Variants in UIMC1 observed in about 807,000 individuals in gnomAD.
UIMC1 encodes the protein BRCA1-A complex subunit RAP80.
A neutral mutation model predicts 84.9 loss-of-function variants in UIMC1; 42 were observed. The observed-to-expected ratio is 0.49, with a 90% confidence interval of 0.39 to 0.64. The LOEUF is 0.64. UIMC1 is among the 30% of genes least tolerant of loss of function. UIMC1 has a pLI of 0.00. For synonymous variants in UIMC1, 281 were observed against 293.0 expected (o/e 0.96, Z 0.42); for missense variants, 825 against 847.6 (o/e 0.97, Z 0.33).
intron 8 of UIMC1, among the ~76,000 whole-genome samples, chr5:176,954,645 G>C (rs1024759087): frequency 6.6e-6 from 1 of 151,372 alleles, no homozygotes; most frequent in African/African-American, 2.4e-5. Flanking sequence ...CTAGCTACTC[G>C]GGAGGCTGAG....
intron 3 of UIMC1, among the ~76,000 whole-genome samples, chr5:176,975,022 G>T (rs1769848107): frequency 6.6e-6 from 1 of 151,854 alleles, no homozygotes; most frequent in Non-Finnish European, 1.5e-5. Flanking sequence ...GCGTCGTGGG[G>T]CATAGTTGGG....
At position 176,929,923 on chromosome 5, in the gene UIMC1, C is replaced by T. The variant is rs1280293498; in HGVS notation, c.1597+13412G>A. Among the ~76,000 whole-genome samples the T allele has an allele frequency of 2.0e-5, 3 of 151,988 alleles. 1 individual carries two copies. The highest frequency in any genetic ancestry group is 2.0e-4 in the Admixed American group (3 of 15,252). On this transcript the variant is annotated intron_variant, in intron 10 of 14. Coordinates refer to ENST00000511320, the MANE Select transcript of UIMC1 (RefSeq NM_001199298.2). ...ATCACACTGGATATTGTCATCAGAA[C>T]CTAAATAAAGATAATAGTAAGTAAG...
At chr5:176,980,506 A>G (rs990798691) in intron 2 of UIMC1, among the ~76,000 whole-genome samples, 1 of 149,822 alleles carries the variant, frequency 6.7e-6, no homozygotes, top group Non-Finnish European at 1.5e-5. Flanking sequence ...GACACAGAAG[A>G]AATTACTGCC....
At chr5:176,934,370 C>A (rs1425297323) in intron 10 of UIMC1, among the ~76,000 whole-genome samples, 1 of 152,122 alleles carries the variant, frequency 6.6e-6, no homozygotes, top group Non-Finnish European at 1.5e-5. Context: ...AGTATTAGAT[C>A]AAAGGAGTCA....
At chr5:176,967,739 C>CA (rs1312924422) in intron 6 of UIMC1, among the ~76,000 whole-genome samples, 2 of 151,710 alleles carry the variant, frequency 1.3e-5, no homozygotes, top group African/African-American at 2.4e-5. Flanking sequence ...TCAATCTCTA[C>CA]AAAAAATATA....
intron 6 of UIMC1, among the ~76,000 whole-genome samples, chr5:176,960,244 C>T (rs1051785366): frequency 2.6e-5 from 4 of 152,194 alleles, no homozygotes; most frequent in Non-Finnish European, 4.4e-5. Context: ...ACTCTAAAAT[C>T]CACACGCTAA....
At chr5:176,927,644 T>C in intron 10 of UIMC1, among the ~76,000 whole-genome samples, 1 of 152,090 alleles carries the variant, frequency 6.6e-6, no homozygotes, top group South Asian at 2.1e-4. Flanking sequence ...ATGGATGAGG[T>C]GGGTGGTCAA....
chr5:177,014,504 T>C (rs1775631581), intron 1 of UIMC1, among the ~76,000 whole-genome samples: 1 of 152,140 alleles, frequency 6.6e-6, no homozygotes, highest in Non-Finnish European at 1.5e-5. Flanking sequence ...CAATATGTAA[T>C]GCTGTGGTTG....
intron 6 of UIMC1, among the ~76,000 whole-genome samples, chr5:176,964,210 C>T (rs898876152): frequency 6.6e-6 from 1 of 152,232 alleles, no homozygotes; most frequent in Admixed American, 6.5e-5. Context: ...TTTCTACCCA[C>T]ATTTCCTGAA....
intron 10 of UIMC1, among the ~76,000 whole-genome samples, chr5:176,912,063 TACA>T (rs1320365561): frequency 2.0e-5 from 3 of 152,224 alleles, no homozygotes; most frequent in Non-Finnish European, 4.4e-5. Flanking sequence ...CAAGAAAAAC[TACA>T]ACAATTTCAC....
chr5:176,949,926 C>T (rs1765632315), intron 9 of UIMC1, among the ~76,000 whole-genome samples: 2 of 151,756 alleles, frequency 1.3e-5, no homozygotes, highest in African/African-American at 4.8e-5. Flanking sequence ...TGGTGGCGGG[C>T]ACCTGTAATC....
intron 10 of UIMC1, among the ~76,000 whole-genome samples, chr5:176,918,779 T>C (rs920038520): frequency 6.6e-6 from 1 of 152,208 alleles, no homozygotes; most frequent in African/African-American, 2.4e-5. Flanking sequence ...AACACTCCCC[T>C]TGAATATTCC....
At chr5:176,987,753 G>A (rs1772239841) in intron 1 of UIMC1, among the ~76,000 whole-genome samples, 1 of 152,098 alleles carries the variant, frequency 6.6e-6, no homozygotes, top group East Asian at 1.9e-4. Context: ...AAGCCCAGGA[G>A]GTTGAGGCTG....
At chr5:176,967,926 T>G (rs929826024) in intron 6 of UIMC1, among the ~76,000 whole-genome samples, 1 of 150,508 alleles carries the variant, frequency 6.6e-6, no homozygotes. Context: ...AAAAAATTTA[T>G]ACAAAAAATA....
At chr5:177,005,565 T>G (rs1458430923) in intron 1 of UIMC1, among the ~76,000 whole-genome samples, 1 of 151,524 alleles carries the variant, frequency 6.6e-6, no homozygotes, top group East Asian at 1.9e-4. Context: ...TCACAACAAC[T>G]CTGCGTCGTA....
chr5:177,001,863 T>C (rs1319208699), intron 1 of UIMC1: 1 of 144,608 alleles, frequency 6.9e-6, no homozygotes, highest in Admixed American at 7.2e-5. Context: ...GGCAGGAGAA[T>C]GGTGTGAACC....
chr5:176,938,681 G>C (rs556924893), intron 10 of UIMC1, among the ~76,000 whole-genome samples: 5 of 152,252 alleles, frequency 3.3e-5, no homozygotes, highest in Admixed American at 2.0e-4. Flanking sequence ...GGAGGGGAAA[G>C]GGCCCTCTAC....
chr5:176,947,198 T>TA (rs1203452585), intron 9 of UIMC1, among the ~76,000 whole-genome samples: 2 of 152,194 alleles, frequency 1.3e-5, no homozygotes, highest in Non-Finnish European at 2.9e-5. Flanking sequence ...ATTTTTATGT[T>TA]AAAATAAGGT....
At chr5:176,931,763 G>A (rs990846207) in intron 10 of UIMC1, among the ~76,000 whole-genome samples, 6 of 152,090 alleles carry the variant, frequency 3.9e-5, no homozygotes, top group Non-Finnish European at 2.9e-5. Context: ...AAGGCAGATG[G>A]ATCACGAAGT....
Sources: allele counts gnomAD v4.1 joint callset (sites outside exome capture counted in the v4.1 genomes callset), GRCh38; gene constraint gnomAD v4.1.1; transcripts MANE v1.5; gene names NCBI Gene and HGNC (gene_info 2026-07-23, HGNC 2026-07-21).